Variants in OCA2 observed in about 807,000 individuals in gnomAD.
The protein encoded by OCA2 is P protein.
In OCA2, 77 loss-of-function variants were observed where a neutral mutation model predicts 100.2. The ratio of observed to expected loss-of-function variants is 0.77; its 90% CI spans 0.64 to 0.93. The LOEUF (loss-of-function observed/expected upper bound fraction) is 0.93. Among genes scored for constraint, OCA2 ranks in the 40% least tolerant of loss-of-function variants. The pLI is 0.00. For missense variants in OCA2, 1,062 were observed against 1,089.1 expected, an observed-to-expected ratio of 0.98 and a Z score of 0.35; for synonymous variants, 432 against 439.2, an observed-to-expected ratio of 0.98 and a Z score of 0.21.
chr15:27,779,812 T>C (rs2032442417), intron 23 of OCA2, among the ~76,000 whole-genome samples: 1 of 152,200 alleles, frequency 6.6e-6, no homozygotes, highest in South Asian at 2.1e-4. Flanking sequence ...TGTTCACTGT[T>C]TTCTGTTTGT....
chr15:27,795,770 T>C (rs2151149100), intron 23 of OCA2, among the ~76,000 whole-genome samples: 1 of 152,332 alleles, frequency 6.6e-6, no homozygotes, highest in Middle Eastern at 3.4e-3. Flanking sequence ...CACACTGCTC[T>C]ACTCCCCACA....
chr15:28,028,361 T>G (rs1479961328), intron 3 of OCA2, among the ~76,000 whole-genome samples: 1 of 152,186 alleles, frequency 6.6e-6, no homozygotes, highest in Non-Finnish European at 1.5e-5. Context: ...CTCAGACCAG[T>G]TCCCGCTGAT....
intron 7 of OCA2, among the ~76,000 whole-genome samples, chr15:28,017,009 G>A (rs988580028): frequency 5.6e-5 from 8 of 142,866 alleles, no homozygotes; most frequent in African/African-American, 2.1e-4. Context: ...TGCCTTGCAT[G>A]TTCTTGCCCC....
At chr15:27,921,217 T>C (rs1466325796) in intron 19 of OCA2, among the ~76,000 whole-genome samples, 1 of 151,402 alleles carries the variant, frequency 6.6e-6, no homozygotes, top group Non-Finnish European at 1.5e-5. Context: ...AACAGAAAAA[T>C]GACTCAATGC....
chr15:28,047,150 C>T (rs2043371357), intron 2 of OCA2, among the ~76,000 whole-genome samples: 1 of 152,156 alleles, frequency 6.6e-6, no homozygotes, highest in Non-Finnish European at 1.5e-5. Context: ...AAACACCATT[C>T]TCACCTCATT....
chr15:28,098,533 A>T (rs2045026871), intron 1 of OCA2, among the ~76,000 whole-genome samples: 1 of 152,184 alleles, frequency 6.6e-6, no homozygotes, highest in East Asian at 1.9e-4. Flanking sequence ...GTAGACTGTC[A>T]CATTGGTCTA....
intron 1 of OCA2, among the ~76,000 whole-genome samples, chr15:28,088,634 A>G (rs2044819457): frequency 6.6e-6 from 1 of 152,180 alleles, no homozygotes; most frequent in South Asian, 2.1e-4. Flanking sequence ...GAGACATCAC[A>G]TGTCGGTAGG....
chr15:27,844,086 A>G (rs1033004897), intron 23 of OCA2, among the ~76,000 whole-genome samples: 2 of 151,920 alleles, frequency 1.3e-5, no homozygotes, highest in East Asian at 3.9e-4. Context: ...CTGCCCCCTC[A>G]CCTGTTTGCA....
intron 22 of OCA2, among the ~76,000 whole-genome samples, chr15:27,847,465 C>A (rs1452674666): frequency 6.6e-6 from 1 of 152,154 alleles, no homozygotes; most frequent in Admixed American, 6.5e-5. Flanking sequence ...CTACACAGGC[C>A]CCTCCTGTCT....
chr15:28,036,786 G>C (rs1035425060), intron 2 of OCA2, among the ~76,000 whole-genome samples: 1 of 152,202 alleles, frequency 6.6e-6, no homozygotes, highest in African/African-American at 2.4e-5. Flanking sequence ...GGCCAAAAAA[G>C]AGACAGTGGT....
chr15:28,008,435 T>C (rs1349791914), intron 9 of OCA2, among the ~76,000 whole-genome samples: 1 of 152,236 alleles, frequency 6.6e-6, no homozygotes, highest in Admixed American at 6.5e-5. Flanking sequence ...GTTTTTACCT[T>C]TCTCAGCATT....
intron 18 of OCA2, among the ~76,000 whole-genome samples, chr15:27,932,251 C>T (rs1276624642): frequency 6.6e-6 from 1 of 152,138 alleles, no homozygotes; most frequent in Non-Finnish European, 1.5e-5. Flanking sequence ...TCTAACCTGG[C>T]TGGAGGGTAG....
chr15:27,802,270 C>A, intron 23 of OCA2, among the ~76,000 whole-genome samples: 1 of 152,014 alleles, frequency 6.6e-6, no homozygotes, highest in East Asian at 1.9e-4. Context: ...ACACTGAAAA[C>A]AACACAATAT....
intron 19 of OCA2, among the ~76,000 whole-genome samples, chr15:27,901,311 C>T (rs2037921746): frequency 2.0e-5 from 3 of 152,218 alleles, no homozygotes; most frequent in Admixed American, 2.0e-4. Flanking sequence ...GCCTTCTCCC[C>T]AGCCCTGCTG....
chr15:27,968,271 T>C (rs2040646976), intron 14 of OCA2, among the ~76,000 whole-genome samples: 1 of 152,046 alleles, frequency 6.6e-6, no homozygotes, highest in African/African-American at 2.4e-5. Context: ...GAACTCAAGG[T>C]CTTTTCTGTA....
intron 23 of OCA2, among the ~76,000 whole-genome samples, chr15:27,839,919 AAAAT>A (rs1260239858): frequency 6.6e-6 from 1 of 152,174 alleles, no homozygotes; most frequent in Non-Finnish European, 1.5e-5. Flanking sequence ...AGAAATTAAT[AAAAT>A]AAATAAAAAG....
chr15:27,932,671 T>C (rs2039295907), intron 18 of OCA2, among the ~76,000 whole-genome samples: 1 of 152,102 alleles, frequency 6.6e-6, no homozygotes, highest in Admixed American at 6.5e-5. Context: ...CAGGAAGAGG[T>C]ATTTTTGTTG....
chr15:27,887,395 AGGGGAACATGCCCCCCT>A (rs2037266858), intron 19 of OCA2, among the ~76,000 whole-genome samples: 2 of 151,380 alleles, frequency 1.3e-5, no homozygotes, highest in Admixed American at 6.6e-5. Context: ...AAAATATATC[AGGGGAACATGCCCCCCT>A]GGCAAGTAAG....
At chr15:28,095,255 G>A (rs1007394861) in intron 1 of OCA2, among the ~76,000 whole-genome samples, 43 of 152,270 alleles carry the variant, frequency 2.8e-4, no homozygotes, top group Non-Finnish European at 8.8e-5. Flanking sequence ...CGGGAGGGCA[G>A]GAGTGGCCCA....
Sources: gnomAD v4.1 joint callset for allele counts (sites outside exome capture counted in the v4.1 genomes callset) on GRCh38, gnomAD v4.1.1 for gene constraint, MANE v1.5 for transcripts, NCBI Gene and HGNC (gene_info 2026-07-23, HGNC 2026-07-21) for gene names.